Variants in GALNT13 observed in about 807,000 individuals in gnomAD.
The protein encoded by GALNT13 is polypeptide N-acetylgalactosaminyltransferase 13.
In GALNT13, 28 loss-of-function variants were observed where a neutral mutation model predicts 64.2. The ratio of observed to expected loss-of-function variants is 0.44; its 90% CI spans 0.32 to 0.60. The LOEUF (loss-of-function observed/expected upper bound fraction) is 0.60. Ranked by LOEUF, GALNT13 falls within the 20% of genes least tolerant of loss-of-function variation. The probability of loss-of-function intolerance (pLI) is 0.05; values close to 1 mark genes in which losing one functional copy is unlikely to be tolerated. For missense variants in GALNT13, 577 were observed against 669.8 expected, an observed-to-expected ratio of 0.86 and a Z score of 1.53; for synonymous variants, 214 against 224.6, an observed-to-expected ratio of 0.95 and a Z score of 0.42.
chr2:154,021,324 T>C (rs978217438), intron 3 of GALNT13, among the ~76,000 whole-genome samples: 26 of 152,254 alleles, frequency 1.7e-4, no homozygotes, highest in African/African-American at 5.5e-4. Flanking sequence ...TGATTCTTCC[T>C]ACCCATGAGC....
rs72863678 is a variant in GALNT13 at position 153,910,599 on chromosome 2, G to A, written c.-105+9592G>A. Reference sequence around the variant, plus strand: ...TGCTTCAAATTTTCATCTTAACACCGCCTTATCTGTGTCCCAGAGATCCTA... The same window carrying A: ...TGCTTCAAATTTTCATCTTAACACCACCTTATCTGTGTCCCAGAGATCCTA... On this transcript the variant is annotated intron_variant, in intron 2 of 12. Coordinates refer to ENST00000392825, the MANE Select transcript of GALNT13 (RefSeq NM_052917.4). Among the ~76,000 whole-genome samples, 725 of 152,128 alleles carry A rather than the reference G, an allele frequency of 4.8e-3. 2 individuals are homozygous for A. Among genetic ancestry groups the A allele is most frequent in the Middle Eastern group, 0.01 (3 of 294 alleles).
At chr2:154,087,805 T>G (rs1164179921) in intron 3 of GALNT13, among the ~76,000 whole-genome samples, 1 of 151,932 alleles carries the variant, frequency 6.6e-6, no homozygotes, top group African/African-American at 2.4e-5. Flanking sequence ...CAATACTATT[T>G]TCTTGGAATA....
intron 3 of GALNT13, among the ~76,000 whole-genome samples, chr2:153,991,876 G>A (rs1253715748): frequency 6.6e-6 from 1 of 152,070 alleles, no homozygotes; most frequent in Non-Finnish European, 1.5e-5. Flanking sequence ...GGGTGTTGAA[G>A]GTCATCATCA....
At chr2:153,696,761 C>T in the GALNT13 span, among the ~76,000 whole-genome samples, 4 of 152,144 alleles carry the variant, frequency 2.6e-5, no homozygotes, top group African/African-American at 9.7e-5. Flanking sequence ...GGGGAGGGCA[C>T]TATTTTGTGG....
chr2:154,220,613 G>A (rs1162167021), intron 4 of GALNT13, among the ~76,000 whole-genome samples: 1 of 152,000 alleles, frequency 6.6e-6, no homozygotes, highest in Admixed American at 6.6e-5. Flanking sequence ...ATGAACTTGG[G>A]ATAGAAGCTG....
chr2:154,300,593 G>C (rs1222940758), intron 8 of GALNT13, among the ~76,000 whole-genome samples: 1 of 151,734 alleles, frequency 6.6e-6, no homozygotes, highest in Non-Finnish European at 1.5e-5. Context: ...ATAATTGTAT[G>C]TATAGTATTG....
chr2:154,029,012 T>G (rs1698164941), intron 3 of GALNT13, among the ~76,000 whole-genome samples: 1 of 151,824 alleles, frequency 6.6e-6, no homozygotes, highest in African/African-American at 2.4e-5. Context: ...CAGTAAGAAT[T>G]TAGCTGAATT....
the GALNT13 span, among the ~76,000 whole-genome samples, chr2:153,392,020 GTTTATATAATATATGTGA>G: frequency 2.7e-5 from 4 of 147,954 alleles, no homozygotes; most frequent in East Asian, 2.0e-4. Context: ...TTAATTATAT[GTTTATATAATATATGTGA>G]TTTATATAAT....
chr2:154,053,091 A>C (rs2105350929), intron 3 of GALNT13, among the ~76,000 whole-genome samples: 1 of 152,246 alleles, frequency 6.6e-6, no homozygotes, highest in South Asian at 2.1e-4. Flanking sequence ...AATCTTAAAA[A>C]ACTTCCCACA....
chr2:154,152,640 T>C (rs1684116027), intron 4 of GALNT13, among the ~76,000 whole-genome samples: 1 of 152,170 alleles, frequency 6.6e-6, no homozygotes, highest in Non-Finnish European at 1.5e-5. Flanking sequence ...CTTTTTATTC[T>C]TTTTTCTCTA....
At chr2:154,299,999 T>A (rs546100158) in intron 8 of GALNT13, among the ~76,000 whole-genome samples, 11 of 152,148 alleles carry the variant, frequency 7.2e-5, no homozygotes, top group African/African-American at 2.2e-4. Context: ...AAAAAGTGGT[T>A]GTCTCTTACT....
chr2:154,357,868 G>A (rs1488060473), intron 9 of GALNT13, among the ~76,000 whole-genome samples: 1 of 151,948 alleles, frequency 6.6e-6, no homozygotes, highest in Non-Finnish European at 1.5e-5. Flanking sequence ...TTAGAAAATA[G>A]CCTACTAATT....
the GALNT13 span, among the ~76,000 whole-genome samples, chr2:153,709,175 GCAAGGTCAAGAAACA>G: frequency 1.3e-5 from 2 of 151,916 alleles, no homozygotes; most frequent in African/African-American, 4.8e-5. Flanking sequence ...AAAGGAAACA[GCAAGGTCAAGAAACA>G]ATTTACAAAT....
In GALNT13 at chr2:154,049,494, T is replaced by C. The variant is rs186185939; in HGVS notation, c.143-90843T>C. ...ATATATTTCACTGTGATATGAAATA[T>C]ATATAAATATATTTTAAATATTATA... is the stretch of plus-strand genomic sequence containing the variant. On this transcript the variant is annotated intron_variant, in intron 3 of 12. Coordinates refer to ENST00000392825, the MANE Select transcript of GALNT13 (RefSeq NM_052917.4). Among the ~76,000 whole-genome samples the C allele has an allele frequency of 7.0e-3, 979 of 139,548 alleles. 11 individuals carry two copies. Among genetic ancestry groups the C allele is most frequent in the African/African-American group, 0.022 (903 of 40,322 alleles). The allele number at this position is 139,548 out of a possible 152,430, so 91.5% of individuals were successfully genotyped here.
At chr2:153,403,314 A>G in the GALNT13 span, among the ~76,000 whole-genome samples, 3 of 151,702 alleles carry the variant, frequency 2.0e-5, no homozygotes, top group Non-Finnish European at 4.4e-5. Context: ...TGCTGGGAGA[A>G]CCACTGCTCT....
intron 3 of GALNT13, among the ~76,000 whole-genome samples, chr2:153,981,160 A>C (rs1368902265): frequency 6.6e-6 from 1 of 152,114 alleles, no homozygotes; most frequent in Non-Finnish European, 1.5e-5. Context: ...GATTGGAGCT[A>C]CTGCTTATTT....
chr2:153,173,988 G>A, the GALNT13 span, among the ~76,000 whole-genome samples: 4 of 152,184 alleles, frequency 2.6e-5, no homozygotes, highest in African/African-American at 9.6e-5. Context: ...TGGGTCTCAA[G>A]CAAGTTTAAA....
chr2:153,136,009 C>T, the GALNT13 span, among the ~76,000 whole-genome samples: 1 of 151,998 alleles, frequency 6.6e-6, no homozygotes. Context: ...GAGTTCTATA[C>T]AGGGGGAGAG....
the GALNT13 span, among the ~76,000 whole-genome samples, chr2:153,199,068 C>T: frequency 6.6e-6 from 1 of 152,318 alleles, no homozygotes; most frequent in East Asian, 1.9e-4. Context: ...AAGTCTGTAA[C>T]AATAGTGTTG....
Sources: gnomAD v4.1 joint callset for allele counts (sites outside exome capture counted in the v4.1 genomes callset) on GRCh38, gnomAD v4.1.1 for gene constraint, MANE v1.5 for transcripts, NCBI Gene and HGNC (gene_info 2026-07-23, HGNC 2026-07-21) for gene names.